The following RGS6 variants were observed in gnomAD, a reference collection of about 807,000 sequenced individuals.
The protein encoded by RGS6 is regulator of G-protein signaling 6.
In RGS6, 30 loss-of-function variants were observed where a neutral mutation model predicts 78.5. The observed-to-expected ratio is 0.38, with a 90% CI of 0.29 to 0.52. The LOEUF (loss-of-function observed/expected upper bound fraction) is 0.52, where lower values mean the gene tolerates loss of function less well. Among genes scored for constraint, RGS6 ranks in the 20% least tolerant of loss-of-function variants. The pLI is 0.85. For synonymous variants in RGS6, 206 were observed against 206.0 expected (o/e 1.00, Z 0.00); for missense variants, 495 against 609.7 (o/e 0.81, Z 1.98).
the RGS6 span, among the ~76,000 whole-genome samples, chr14:72,606,535 G>A: frequency 1.6e-4 from 25 of 152,078 alleles, no homozygotes; most frequent in African/African-American, 5.8e-4. Context: ...CTTCTTCCTA[G>A]GTCTCGCCAC....
chr14:72,497,014 T>G (rs2096654074), intron 13 of RGS6, among the ~76,000 whole-genome samples: 1 of 152,220 alleles, frequency 6.6e-6, no homozygotes, highest in Admixed American at 6.5e-5. Context: ...CATAAATATT[T>G]AGCTTATGTC....
At chr14:72,417,933 A>G (rs1478518347) in intron 3 of RGS6, among the ~76,000 whole-genome samples, 1 of 152,170 alleles carries the variant, frequency 6.6e-6, no homozygotes, top group African/African-American at 2.4e-5. Context: ...CTGTACTTTA[A>G]GCTTAATGTG....
intron 17 of RGS6, among the ~76,000 whole-genome samples, chr14:72,549,869 CAAAA>C (rs1005363483): frequency 6.6e-6 from 1 of 152,122 alleles, no homozygotes; most frequent in Non-Finnish European, 1.5e-5. Flanking sequence ...CCCCATCCCA[CAAAA>C]AACCCCCCAG....
chr14:72,600,698 C>T, the RGS6 span, among the ~76,000 whole-genome samples: 1 of 152,180 alleles, frequency 6.6e-6, no homozygotes, highest in African/African-American at 2.4e-5. Context: ...GTCTGGACCC[C>T]TGCCGGGCTC....
chr14:72,454,864 AAAGAT>A (rs2095589908), intron 4 of RGS6, among the ~76,000 whole-genome samples: 1 of 152,250 alleles, frequency 6.6e-6, no homozygotes, highest in Non-Finnish European at 1.5e-5. Flanking sequence ...TGCAGCAATT[AAAGAT>A]AAGTTGTAGC....
intron 17 of RGS6, among the ~76,000 whole-genome samples, chr14:72,541,860 A>G (rs2097332089): frequency 6.6e-6 from 1 of 152,230 alleles, no homozygotes; most frequent in Admixed American, 6.5e-5. Flanking sequence ...GTATCAAGAA[A>G]GGCAAGAATG....
chr14:72,423,959 C>T (rs552297927), intron 3 of RGS6, among the ~76,000 whole-genome samples: 1 of 152,214 alleles, frequency 6.6e-6, no homozygotes, highest in African/African-American at 2.4e-5. Flanking sequence ...CAGTGCCTGG[C>T]TGGGGTTGTG....
At chr14:72,418,329 G>A (rs2093966114) in intron 3 of RGS6, among the ~76,000 whole-genome samples, 2 of 152,076 alleles carry the variant, frequency 1.3e-5, no homozygotes, top group Admixed American at 1.3e-4. Context: ...ACTACAGCCG[G>A]CTAATTTTTG....
At chr14:71,955,238 C>A (rs554165631) in intron 1 of RGS6, among the ~76,000 whole-genome samples, 1 of 152,120 alleles carries the variant, frequency 6.6e-6, no homozygotes, top group African/African-American at 2.4e-5. Context: ...CACCTGAGCC[C>A]GGCTGGTGTG....
chr14:71,927,811 C>T (rs2087739177), upstream of RGS6, among the ~76,000 whole-genome samples: 1 of 151,862 alleles, frequency 6.6e-6, no homozygotes, highest in Non-Finnish European at 1.5e-5. Context: ...GCGCGCGCCA[C>T]CATGCCCGGC....
chr14:72,311,728 C>T (rs559600551), intron 2 of RGS6, among the ~76,000 whole-genome samples: 1 of 152,310 alleles, frequency 6.6e-6, no homozygotes, highest in East Asian at 1.9e-4. Flanking sequence ...TTCATTGTCA[C>T]TTGAAAAGAC....
the RGS6 span, among the ~76,000 whole-genome samples, chr14:71,904,493 C>T: frequency 2.0e-5 from 3 of 152,120 alleles, no homozygotes; most frequent in Non-Finnish European, 4.4e-5. Flanking sequence ...AAGGGGAGAG[C>T]CTGTGGAAAA....
chr14:71,910,794 A>T, the RGS6 span, among the ~76,000 whole-genome samples: 24 of 152,288 alleles, frequency 1.6e-4, no homozygotes, highest in African/African-American at 5.8e-4. Context: ...TGATGGGGTA[A>T]TGGTGCTATT....
Position 72,084,789 on chromosome 14 carries a change from A to G in RGS6, c.84+119914A>G, listed in dbSNP as rs2094959058. ...CACATATATAAAAAACGAAGACACT[A>G]AATTTAATTTTCACCAGCTCAGTGT... On this transcript the variant is annotated intron_variant, in intron 2 of 17. Transcript: ENST00000553525. Among the ~76,000 whole-genome samples, 4 of 152,126 alleles carry G rather than the reference A, an allele frequency of 2.6e-5. No individual in the cohort carries two copies. The South Asian group carries it at 8.3e-4, about 31-fold the overall frequency.
At chr14:72,407,525 A>G (rs759973406) in intron 3 of RGS6, among the ~76,000 whole-genome samples, 9 of 152,262 alleles carry the variant, frequency 5.9e-5, no homozygotes, top group Non-Finnish European at 1.3e-4. Flanking sequence ...CTAAGTACTC[A>G]GATATTTGGT....
rs2097666921 is a variant in RGS6, at chr14:72,560,936, G to A, written c.1423-1481G>A. On this transcript the variant is annotated intron_variant, in intron 17 of 17. Transcript: ENST00000553525. The stretch of plus-strand genomic sequence containing the variant: ...AAAAGGTCAAGGAGAGGTAGGGAAA[G>A]GCAGACTTTCTGACAGCTCCTGAGG... Among the ~76,000 whole-genome samples the A allele has an allele frequency of 1.3e-5, 2 of 151,936 alleles. 1 individual carries two copies. The highest frequency in any genetic ancestry group is 4.2e-4 in the South Asian group (2 of 4,814).
intron 1 of RGS6, chr14:71,933,437 T>C (rs1295341715): frequency 1.3e-5 from 2 of 152,176 alleles, no homozygotes; most frequent in Non-Finnish European, 2.9e-5. Context: ...GGGAGGTTTG[T>C]TGTTTGGGAA....
intron 2 of RGS6, among the ~76,000 whole-genome samples, chr14:72,162,597 C>T (rs959700617): frequency 2.6e-5 from 4 of 152,106 alleles, no homozygotes; most frequent in African/African-American, 4.8e-5. Flanking sequence ...TTTGCTATTT[C>T]GTAACCTCTA....
chr14:72,484,654 G>A (rs186585796), intron 12 of RGS6, among the ~76,000 whole-genome samples: 1 of 152,256 alleles, frequency 6.6e-6, no homozygotes, highest in East Asian at 1.9e-4. Context: ...TGGTTGGACT[G>A]TATGTTTACT....
Sources: gnomAD v4.1 joint callset for allele counts (sites outside exome capture counted in the v4.1 genomes callset) on GRCh38, gnomAD v4.1.1 for gene constraint, MANE v1.5 for transcripts, NCBI Gene and HGNC (gene_info 2026-07-23, HGNC 2026-07-21) for gene names.